MYLK4: variants seen among roughly 807,000 people sequenced by gnomAD.
The protein encoded by MYLK4 is caMLCK like.
In MYLK4, 46 loss-of-function variants were observed where a neutral mutation model predicts 48.1. The ratio of observed to expected loss-of-function variants is 0.96; its 90% confidence interval spans 0.75 to 1.22. The LOEUF is 1.22. MYLK4 is among the 50% of genes most tolerant of loss of function. MYLK4 has a pLI of 0.00. For synonymous variants in MYLK4, 170 were observed against 180.8 expected (o/e 0.94, Z 0.48); for missense variants, 451 against 486.1 (o/e 0.93, Z 0.68).
chr6:2,671,859 T>A (rs1363340793), intron 11 of MYLK4, among the ~76,000 whole-genome samples: 2 of 152,166 alleles, frequency 1.3e-5, no homozygotes, highest in East Asian at 3.9e-4. Context: ...CTTAGACAAG[T>A]ACTGACTTGT....
chr6:2,740,409 G>A (rs1763858653), intron 2 of MYLK4, among the ~76,000 whole-genome samples: 1 of 152,158 alleles, frequency 6.6e-6, no homozygotes, highest in African/African-American at 2.4e-5. Context: ...TGGCATTTAT[G>A]CATATGCAAC....
intron 2 of MYLK4, among the ~76,000 whole-genome samples, chr6:2,694,806 C>T (rs1044661652): frequency 6.6e-6 from 1 of 151,944 alleles, no homozygotes; most frequent in African/African-American, 2.4e-5. Context: ...TGGGTAATTT[C>T]CCAAGGTTAT....
intron 12 of MYLK4, among the ~76,000 whole-genome samples, chr6:2,670,235 A>G (rs1760831820): frequency 6.6e-6 from 1 of 152,132 alleles, no homozygotes; most frequent in Non-Finnish European, 1.5e-5. Context: ...GCGTGGTGGC[A>G]GGTGCCTGTA....
intron 2 of MYLK4, among the ~76,000 whole-genome samples, chr6:2,724,391 A>T (rs1192261662): frequency 2.0e-5 from 3 of 152,228 alleles, no homozygotes; most frequent in Admixed American, 2.0e-4. Context: ...TATAGGAGCT[A>T]TGAAAGGGTT....
intron 10 of MYLK4, among the ~76,000 whole-genome samples, chr6:2,676,997 GTTA>G (rs1487736818): frequency 6.6e-6 from 1 of 152,036 alleles, no homozygotes; most frequent in Non-Finnish European, 1.5e-5. Context: ...AACCTTGGCT[GTTA>G]TTGTGCCTTT....
At chr6:2,688,982 C>G in intron 3 of MYLK4, 26 bp from the exon 4 acceptor site, 3 of 1,601,820 alleles carry the variant, frequency 1.9e-6, no homozygotes, top group Non-Finnish European at 2.6e-6. Flanking sequence ...AACAGAAGGG[C>G]AATCTGTCAA....
the MYLK4 span, among the ~76,000 whole-genome samples, chr6:2,756,374 C>T: frequency 1.9e-4 from 29 of 152,114 alleles, no homozygotes; most frequent in Admixed American, 3.3e-4. Context: ...TTTGATATGT[C>T]ATTATTATTT....
chr6:2,736,011 A>G (rs1256729201), intron 2 of MYLK4, among the ~76,000 whole-genome samples: 3 of 152,186 alleles, frequency 2.0e-5, no homozygotes, highest in African/African-American at 7.2e-5. Flanking sequence ...GTGGTCTCCA[A>G]GGGGATTTGA....
chr6:2,688,351 G>A (rs911939795), intron 4 of MYLK4, among the ~76,000 whole-genome samples: 3 of 152,176 alleles, frequency 2.0e-5, no homozygotes, highest in Non-Finnish European at 4.4e-5. Context: ...GAGCCACCGC[G>A]CAAGGCCTTT....
intron 2 of MYLK4, among the ~76,000 whole-genome samples, chr6:2,701,045 C>T (rs1762263019): frequency 6.6e-6 from 1 of 152,102 alleles, no homozygotes; most frequent in Non-Finnish European, 1.5e-5. Context: ...GTGTGTCAAC[C>T]GACTTCAAAT....
chr6:2,766,706 CA>C, the MYLK4 span, among the ~76,000 whole-genome samples: 4 of 152,208 alleles, frequency 2.6e-5, no homozygotes, highest in Non-Finnish European at 4.4e-5. Context: ...CATAGTTTTA[CA>C]AGATGTGGAC....
At position 2,672,396 on chromosome 6, in the gene MYLK4, G is replaced by A. The variant is rs1420293521; in HGVS notation, c.1120-1048C>T. On this transcript the variant is annotated intron_variant, in intron 11 of 12. Coordinates refer to ENST00000274643, the MANE Select transcript of MYLK4 (RefSeq NM_001012418.5). This position sits in a 1 kb window ranked among gnomAD's most constrained non-coding sequence, Gnocchi z 4.3. ...CCTTGAGCATAATACAGAGGGCAGA[G>A]AACTCTCGGATGTTAACTTCTAAGA... is the stretch of plus-strand genomic sequence containing the variant. 6.6e-6 allele frequency among the ~76,000 whole-genome samples: 1 copy of A among 152,082 alleles called. No homozygotes were observed. Among genetic ancestry groups the A allele is most frequent in the African/African-American group, 2.4e-5 (1 of 41,396 alleles).
chr6:2,727,309 C>A (rs937907722), intron 2 of MYLK4, among the ~76,000 whole-genome samples: 3 of 152,178 alleles, frequency 2.0e-5, no homozygotes, highest in Non-Finnish European at 4.4e-5. Context: ...AAAGAGAAGA[C>A]CCCGGAAAGC....
At chr6:2,733,123 A>G (rs1763537049) in intron 2 of MYLK4, among the ~76,000 whole-genome samples, 2 of 152,314 alleles carry the variant, frequency 1.3e-5, no homozygotes, top group South Asian at 4.1e-4. Context: ...TGAATTATTT[A>G]TAATCTGTTG....
At chr6:2,729,933 G>A (rs1295465627) in intron 2 of MYLK4, among the ~76,000 whole-genome samples, 2 of 152,324 alleles carry the variant, frequency 1.3e-5, no homozygotes, top group Admixed American at 1.3e-4. Context: ...AACACAGTTG[G>A]CGGTCTTCAA....
rs112636660 is a variant in MYLK4, at chr6:2,749,247, G to A, written c.48C>T (p.Ser16=). Residue 16 remains serine (S), a synonymous_variant, in exon 2 of 13, where the codon AGC becomes AGT. Coordinates refer to ENST00000274643, the MANE Select transcript of MYLK4 (RefSeq NM_001012418.5). ...AAAAGGCCATTTTCTCCAGCTGGTT[G>A]CTGTTATAACACGTGTTGAATTCTT... is the stretch of plus-strand genomic sequence containing the variant. The part of the protein sequence containing the change: ...RLEEFNTCYN[S]NQLEKMAFFQ... The A allele has an allele frequency of 1.1e-5, 18 of 1,613,910 alleles. No individual in the cohort carries two copies. In the African/African-American group the frequency reaches 1.5e-4, roughly 13 times the overall value.
chr6:2,734,943 G>A (rs1188582024), intron 2 of MYLK4, among the ~76,000 whole-genome samples: 1 of 152,198 alleles, frequency 6.6e-6, no homozygotes, highest in South Asian at 2.1e-4. Flanking sequence ...CCCAGGGAAT[G>A]CTTGAGGCCC....
rs1016646605 is a variant in MYLK4, at chr6:2,749,325, T to C, written c.-31A>G. The C allele has an allele frequency of 6.3e-7, 1 of 1,593,054 alleles. No homozygotes were observed. The highest frequency in any genetic ancestry group is 1.3e-5 in the African/African-American group (1 of 74,238). On this transcript the variant is annotated 5_prime_UTR_variant, in exon 2 of 13. Transcript: ENST00000274643. ...TAGTGAGTCCGATTAAGCTACTTTC[T>C]GGAGTGTGGTTTTCGTCTCCCTCTG... is the stretch of plus-strand genomic sequence containing the variant.
chr6:2,673,542 G>A lies in MYLK4; in HGVS notation c.1119+1505C>T, dbSNP rs964584514. On this transcript the variant is annotated intron_variant, in intron 11 of 12. Coordinates refer to ENST00000274643, the MANE Select transcript of MYLK4 (RefSeq NM_001012418.5). The surrounding 1 kb of genome is among the most constrained non-coding windows in gnomAD (Gnocchi z 4.2). ...GAGCAAAGGTGGAAGAAACAAAAACGTATCAAACCCATGCTATACCAGGGC... is the reference window on the plus strand; with the variant it reads ...GAGCAAAGGTGGAAGAAACAAAAACATATCAAACCCATGCTATACCAGGGC... Among the ~76,000 whole-genome samples the A allele has an allele frequency of 2.6e-5, 4 of 152,134 alleles. No individual in the cohort carries two copies. The highest frequency in any genetic ancestry group is 6.5e-5 in the Admixed American group (1 of 15,272).
Sources: allele counts gnomAD v4.1 joint callset (sites outside exome capture counted in the v4.1 genomes callset), GRCh38; gene constraint gnomAD v4.1.1; non-coding constraint Gnocchi (gnomAD v3.1); transcripts MANE v1.5; gene names NCBI Gene and HGNC (gene_info 2026-07-23, HGNC 2026-07-21).